Variants in ADAMTSL3 observed in about 807,000 individuals in gnomAD.
The protein encoded by ADAMTSL3 is ADAMTS-like protein 3.
A neutral mutation model predicts 201.7 loss-of-function variants in ADAMTSL3; 128 were observed. That is an observed-to-expected ratio of 0.63 (90% confidence interval 0.55 to 0.73). The LOEUF is 0.73. Among genes scored for constraint, ADAMTSL3 ranks in the 30% least tolerant of loss-of-function variants. ADAMTSL3 has a pLI of 0.00. For missense variants in ADAMTSL3, 1,990 were observed against 2,119.6 expected (o/e 0.94, Z 1.20); for synonymous variants, 738 against 748.4 (o/e 0.99, Z 0.23).
intron 4 of ADAMTSL3, among the ~76,000 whole-genome samples, chr15:83,797,621 T>G (rs1296165570): frequency 6.6e-6 from 1 of 152,010 alleles, no homozygotes; most frequent in Non-Finnish European, 1.5e-5. Flanking sequence ...AAAAAAAGAA[T>G]ATGAAATGAC....
chr15:83,852,959 T>C (rs1242760467), intron 7 of ADAMTSL3, among the ~76,000 whole-genome samples: 1 of 152,016 alleles, frequency 6.6e-6, no homozygotes. Context: ...TGGGTTCAAG[T>C]GATTCTCCAG....
intron 20 of ADAMTSL3, among the ~76,000 whole-genome samples, chr15:83,975,691 G>T (rs990836893): frequency 1.3e-5 from 2 of 152,142 alleles, no homozygotes; most frequent in African/African-American, 4.8e-5. Flanking sequence ...GCCCACATGT[G>T]GGTAGATACA....
At chr15:83,743,405 C>T (rs925605781) in intron 3 of ADAMTSL3, among the ~76,000 whole-genome samples, 2 of 149,570 alleles carry the variant, frequency 1.3e-5, no homozygotes. Flanking sequence ...CCCAGCTACT[C>T]GGGAGGCTGA....
chr15:83,795,014 G>A (rs905004924), intron 4 of ADAMTSL3, among the ~76,000 whole-genome samples: 5 of 151,706 alleles, frequency 3.3e-5, no homozygotes, highest in Admixed American at 1.3e-4. Flanking sequence ...CACCATGCCC[G>A]GCTAATTTTT....
chr15:83,703,665 C>A (rs1038287047), intron 2 of ADAMTSL3, among the ~76,000 whole-genome samples: 1 of 152,140 alleles, frequency 6.6e-6, no homozygotes, highest in Non-Finnish European at 1.5e-5. Context: ...GCCTCCCCAG[C>A]CACGTGGAAC....
intron 15 of ADAMTSL3, among the ~76,000 whole-genome samples, chr15:83,910,956 C>T (rs990248452): frequency 4.6e-5 from 7 of 152,044 alleles, no homozygotes; most frequent in African/African-American, 1.4e-4. Context: ...AACTTTCTTA[C>T]CTCATCTCCT....
intron 4 of ADAMTSL3, among the ~76,000 whole-genome samples, chr15:83,798,283 A>G (rs2063460149): frequency 6.6e-6 from 1 of 152,202 alleles, no homozygotes; most frequent in Admixed American, 6.5e-5. Context: ...AGAATCTCCA[A>G]ATTTGCCTGC....
intron 6 of ADAMTSL3, among the ~76,000 whole-genome samples, chr15:83,825,387 A>T (rs111809905): frequency 6.6e-6 from 1 of 152,098 alleles, no homozygotes; most frequent in Non-Finnish European, 1.5e-5. Context: ...AAGACAGGAG[A>T]GTTCGTTAAG....
intron 7 of ADAMTSL3, among the ~76,000 whole-genome samples, chr15:83,856,947 T>C (rs2064747551): frequency 6.6e-6 from 1 of 152,168 alleles, no homozygotes; most frequent in Non-Finnish European, 1.5e-5. Context: ...AAGGGTTCTT[T>C]TCGCCACATC....
intron 9 of ADAMTSL3, among the ~76,000 whole-genome samples, chr15:83,876,362 T>C (rs963570943): frequency 1.3e-5 from 2 of 152,120 alleles, no homozygotes; most frequent in African/African-American, 4.8e-5. Context: ...TTTATTTACT[T>C]CTTTTATCTT....
At chr15:83,956,502 C>T (rs1475273230) in intron 19 of ADAMTSL3, among the ~76,000 whole-genome samples, 1 of 152,172 alleles carries the variant, frequency 6.6e-6, no homozygotes, top group African/African-American at 2.4e-5. Flanking sequence ...TTCTATTCTG[C>T]CATCTTGCTC....
intron 9 of ADAMTSL3, among the ~76,000 whole-genome samples, chr15:83,872,502 A>T (rs2065099485): frequency 6.6e-6 from 1 of 151,490 alleles, no homozygotes; most frequent in African/African-American, 2.4e-5. Flanking sequence ...CTTTTTTTTT[A>T]AAGTCTCTCT....
At chr15:83,991,255 GGTAA>G in intron 23 of ADAMTSL3, 41 bp downstream of exon 23, 1 of 1,612,544 alleles carries the variant, frequency 6.2e-7, no homozygotes, top group Non-Finnish European at 8.5e-7. Context: ...TTCAGTGGGA[GGTAA>G]GTGTGGCCAT....
chr15:83,921,432 A>C (rs781713621), intron 16 of ADAMTSL3, among the ~76,000 whole-genome samples: 2 of 152,194 alleles, frequency 1.3e-5, no homozygotes, highest in Non-Finnish European at 2.9e-5. Context: ...ACAACTTGGC[A>C]TATTAAATAC....
intron 23 of ADAMTSL3, among the ~76,000 whole-genome samples, chr15:84,006,375 T>G (rs181534897): frequency 6.6e-6 from 1 of 152,244 alleles, no homozygotes; most frequent in Admixed American, 6.5e-5. Flanking sequence ...GAAAAAAATA[T>G]AGGTATAATA....
At chr15:83,939,695 C>T (rs768579696) in intron 17 of ADAMTSL3, among the ~76,000 whole-genome samples, 2 of 151,464 alleles carry the variant, frequency 1.3e-5, no homozygotes, top group Non-Finnish European at 2.9e-5. Context: ...GATCTCAGCT[C>T]ACTGAAAGCT....
intron 3 of ADAMTSL3, among the ~76,000 whole-genome samples, chr15:83,740,528 A>G (rs572721056): frequency 1.3e-5 from 2 of 152,332 alleles, no homozygotes; most frequent in South Asian, 4.1e-4. Flanking sequence ...AAACTTTATG[A>G]CCTTAAAGAC....
intron 2 of ADAMTSL3, among the ~76,000 whole-genome samples, chr15:83,686,021 C>G (rs2061531799): frequency 4.6e-5 from 7 of 152,200 alleles, no homozygotes; most frequent in Admixed American, 1.3e-4. Flanking sequence ...CCTCCTTCTC[C>G]TGGTCTGGCC....
chr15:84,007,272 C>T (rs747620527), intron 23 of ADAMTSL3, among the ~76,000 whole-genome samples: 18 of 152,122 alleles, frequency 1.2e-4, no homozygotes, highest in Non-Finnish European at 2.6e-4. Flanking sequence ...AGAACCACCT[C>T]GAACTGGCTT....
Sources: gnomAD v4.1 joint callset for allele counts (sites outside exome capture counted in the v4.1 genomes callset) on GRCh38, gnomAD v4.1.1 for gene constraint, MANE v1.5 for transcripts, NCBI Gene and HGNC (gene_info 2026-07-23, HGNC 2026-07-21) for gene names.